Variants in POTEF observed in about 807,000 individuals in gnomAD.
The protein encoded by POTEF is POTE ankyrin domain family member F, also known as ANKRD26-like family C member 1B.
A neutral mutation model predicts 83.2 loss-of-function variants in POTEF; 20 were observed. The ratio of observed to expected loss-of-function variants is 0.24; its 90% confidence interval spans 0.17 to 0.35. The LOEUF (loss-of-function observed/expected upper bound fraction) is 0.35. Among genes scored for constraint, POTEF ranks in the 10% least tolerant of loss-of-function variants. POTEF has a pLI of 1.00. For synonymous variants in POTEF, 196 were observed against 446.4 expected, an observed-to-expected ratio of 0.44 and a Z score of 7.07; for missense variants, 550 against 1,203.2, an observed-to-expected ratio of 0.46 and a Z score of 8.03.
chr2:130,104,143 T>A (rs77052906), intron 8 of POTEF, among the ~76,000 whole-genome samples: 1 of 150,734 alleles, frequency 6.6e-6, no homozygotes, highest in African/African-American at 2.5e-5. Flanking sequence ...TATGTAGCAA[T>A]TTCTCAATAA....
In POTEF at chr2:130,086,362, TTTA is replaced by T; in HGVS notation, c.1574_1576del (p.Ile525del). 10 of 1,551,828 alleles carry T rather than the reference TTTA, an allele frequency of 6.4e-6. 1 individual carries two copies. The South Asian group carries it at 1.2e-4, about 19-fold the overall frequency. On this transcript the variant is annotated inframe_deletion, in exon 14 of 17. Transcript: ENST00000409914. ...GTATACCTCTCTATCACCATCCTTA[TTTA>T]TTTCTGGTTCTTGAGATCTTTTCTG...
At chr2:130,076,771 C>T (rs1311864662) in intron 16 of POTEF, among the ~76,000 whole-genome samples, 9 of 151,420 alleles carry the variant, frequency 5.9e-5, no homozygotes, top group East Asian at 5.8e-4. Context: ...TGTCCAAAAA[C>T]GAGAAAATCT....
intron 3 of POTEF, among the ~76,000 whole-genome samples, chr2:130,115,720 G>C (rs1172349074): frequency 6.6e-6 from 1 of 152,208 alleles, no homozygotes; most frequent in African/African-American, 2.4e-5. Context: ...ATATAGAATA[G>C]TTCCTAACAC....
At position 130,123,409 on chromosome 2, in the gene POTEF, T is replaced by C. The variant is rs2407457; in HGVS notation, c.-93-2801A>G. ...TGTTCTCAAAGTTCTAGCATAAGTC[T>C]TGAAAAATCTAGTAAAAATTTGTAA... is the stretch of plus-strand genomic sequence containing the variant. On this transcript the variant is annotated intron_variant, in intron 2 of 16. Transcript: ENST00000409914. Among the ~76,000 whole-genome samples the C allele has an allele frequency of 2.0e-5, 3 of 152,166 alleles. No homozygotes were observed. The South Asian group carries it at 6.2e-4, about 32-fold the overall frequency.
intron 2 of POTEF, 123 bp downstream of exon 2, chr2:130,127,586 A>G (rs1173605415): frequency 4.6e-5 from 7 of 151,562 alleles, no homozygotes; most frequent in Non-Finnish European, 7.3e-5. Flanking sequence ...CCCCCTTCCC[A>G]GTCCCCAGAC....
At chr2:130,119,265 G>A (rs1456363052) in intron 3 of POTEF, among the ~76,000 whole-genome samples, 6 of 151,160 alleles carry the variant, frequency 4.0e-5, no homozygotes, top group East Asian at 1.9e-4. Context: ...CCGGGTTCAC[G>A]CCATTCTCCT....
chr2:130,126,120 A>G (rs563601469), intron 2 of POTEF, among the ~76,000 whole-genome samples: 1 of 149,160 alleles, frequency 6.7e-6, no homozygotes, highest in Non-Finnish European at 1.5e-5. Flanking sequence ...CCTGACCAAC[A>G]TAGAGAAAAC....
In POTEF at chr2:130,075,487, A is replaced by G. The variant is rs756720610; in HGVS notation, c.1985T>C (p.Leu662Pro). The stretch of plus-strand genomic sequence containing the variant: ...CTGGCTCTGATGTTTCATTGTGTCT[A>G]GCTCCAGTCTTAGCATGGCAATTTC... The part of the protein sequence containing the change: ...REEIAMLRLE[L>P]DTMKHQSQLR... The change falls in exon 17 of 17, where the codon CTA becomes CCA. Residue 662 changes from leucine (L) to proline (P), a missense_variant. Physicochemically the swap from Leu to Pro is moderately conservative, Grantham distance 98. Coordinates refer to ENST00000409914, the MANE Select transcript of POTEF (RefSeq NM_001099771.2). The G allele has an allele frequency of 1.2e-6, 2 of 1,611,300 alleles. No homozygotes were observed. Among genetic ancestry groups the G allele is most frequent in the Non-Finnish European group, 1.7e-6 (2 of 1,179,654 alleles).
intron 12 of POTEF, among the ~76,000 whole-genome samples, chr2:130,091,773 ACTTGCCTTAG>A (rs1373102316): frequency 9.8e-6 from 1 of 101,696 alleles, no homozygotes; most frequent in Non-Finnish European, 1.9e-5. Context: ...TCTATCGTAA[ACTTGCCTTAG>A]CTAAGTATTC....
intron 2 of POTEF, among the ~76,000 whole-genome samples, chr2:130,125,540 TAAA>T (rs1424343157): frequency 3.4e-5 from 5 of 149,206 alleles, no homozygotes; most frequent in Non-Finnish European, 5.9e-5. Context: ...AAAATAAAGA[TAAA>T]AAGTTCACAC....
chr2:130,118,009 C>T (rs1684886888), intron 3 of POTEF, among the ~76,000 whole-genome samples: 2 of 150,574 alleles, frequency 1.3e-5, no homozygotes, highest in African/African-American at 4.9e-5. Context: ...GGCGCGATCT[C>T]GGCTCACTGC....
rs1211240537 is a variant in POTEF at position 130,075,561 on chromosome 2, A to C, written c.1911T>G (p.Ser637Arg). The change falls in exon 17 of 17, where the codon AGT becomes AGG. Residue 637 changes from serine (S) to arginine (R), a missense_variant. Ser to Arg is a moderately radical substitution (Grantham distance 110, BLOSUM62 -1). Transcript: ENST00000409914. ...VEKMNSELSL[S>R]CKKEKDILHE... ...GCAAGATGTCTTTTTCTTTCTTACA[A>C]CTAAGAGAAAGCTAAGTAAACAAAG... 1.2e-6 allele frequency: 2 copies of C among 1,610,022 alleles called. No homozygotes were observed. The highest frequency in any genetic ancestry group is 1.1e-5 in the South Asian group (1 of 90,762).
chr2:130,084,374 T>TG (rs1269784807), intron 15 of POTEF, among the ~76,000 whole-genome samples: 1 of 43,260 alleles, frequency 2.3e-5, no homozygotes, highest in Non-Finnish European at 4.0e-5. Flanking sequence ...TCAAGTATCT[T>TG]GGAACACAGC....
Position 130,075,175 on chromosome 2 carries a change from G to C in POTEF, c.2297C>G (p.Thr766Ser). ...GCCGTGTTCCATGGGGTACTTCAGGGTCAGGATGCCTCTTTTGCTCTGGGC... is the reference window on the plus strand; with the variant it reads ...GCCGTGTTCCATGGGGTACTTCAGGCTCAGGATGCCTCTTTTGCTCTGGGC... Reference protein sequence around the residue: ...KEAQSKRGILTLKYPMEHGII... With the variant: ...KEAQSKRGILSLKYPMEHGII... Residue 766 changes from threonine (T) to serine (S), a missense_variant, in exon 17 of 17, where the codon ACC becomes AGC. Thr to Ser is a moderately conservative substitution (Grantham distance 58, BLOSUM62 1). Transcript: ENST00000409914. 6.2e-7 allele frequency: 1 copy of C among 1,613,186 alleles called. No individual in the cohort carries two copies. The highest frequency in any genetic ancestry group is 1.3e-5 in the African/African-American group (1 of 74,758).
At chr2:130,102,913 C>G (rs950078889) in intron 8 of POTEF, among the ~76,000 whole-genome samples, 1 of 151,410 alleles carries the variant, frequency 6.6e-6, no homozygotes, top group African/African-American at 2.5e-5. Context: ...TGAGCTGTTG[C>G]GAACCTAAAT....
chr2:130,118,702 A>G (rs548629454), intron 3 of POTEF, among the ~76,000 whole-genome samples: 2 of 151,490 alleles, frequency 1.3e-5, no homozygotes, highest in African/African-American at 2.4e-5. Flanking sequence ...TCCAAAAAAA[A>G]GTATATATAT....
At chr2:130,100,951 CAT>C (rs1310714894) in intron 9 of POTEF, among the ~76,000 whole-genome samples, 6 of 148,578 alleles carry the variant, frequency 4.0e-5, no homozygotes, top group African/African-American at 1.6e-4. Context: ...TTCTGACTAA[CAT>C]GTGAAAAATA....
At chr2:130,105,439 C>A (rs1428875132) in intron 8 of POTEF, among the ~76,000 whole-genome samples, 1 of 151,644 alleles carries the variant, frequency 6.6e-6, no homozygotes, top group African/African-American at 2.4e-5. Flanking sequence ...CTGACTACTG[C>A]GAAAACTTCC....
intron 3 of POTEF, among the ~76,000 whole-genome samples, chr2:130,118,499 T>A (rs1473439565): frequency 4.6e-5 from 7 of 151,670 alleles, no homozygotes; most frequent in Non-Finnish European, 7.4e-5. Context: ...GTTCAAGACC[T>A]GCCTGGCCAA....
Sources: allele counts gnomAD v4.1 joint callset (sites outside exome capture counted in the v4.1 genomes callset), GRCh38; gene constraint gnomAD v4.1.1; transcripts MANE v1.5; gene names NCBI Gene and HGNC (gene_info 2026-07-23, HGNC 2026-07-21).